The following PTGER3 variants were observed in gnomAD, a reference collection of about 807,000 sequenced individuals.
PTGER3 encodes prostaglandin E receptor 3.
In PTGER3, 22 loss-of-function variants were observed where a neutral mutation model predicts 34.7. The ratio of observed to expected loss-of-function variants is 0.63; its 90% CI spans 0.45 to 0.91. The LOEUF is 0.91. Ranked by LOEUF, PTGER3 falls within the 40% of genes least tolerant of loss-of-function variation. PTGER3 has a pLI of 0.00. For synonymous variants in PTGER3, 241 were observed against 230.1 expected (o/e 1.05, Z -0.43); for missense variants, 468 against 519.4 (o/e 0.90, Z 0.96).
At chr1:70,997,438 G>A (rs770278430) in intron 2 of PTGER3, among the ~76,000 whole-genome samples, 2 of 151,878 alleles carry the variant, frequency 1.3e-5, no homozygotes, top group Non-Finnish European at 2.9e-5. Context: ...TTTACACATA[G>A]CAAAAAATGA....
chr1:71,016,692 A>C (rs1657930522), intron 1 of PTGER3, among the ~76,000 whole-genome samples: 1 of 151,940 alleles, frequency 6.6e-6, no homozygotes, highest in South Asian at 2.1e-4. Flanking sequence ...AATCCTAGCT[A>C]CTTGGGAGGC....
intron 4 of PTGER3, among the ~76,000 whole-genome samples, chr1:70,946,849 A>G (rs180683763): frequency 6.6e-6 from 1 of 152,112 alleles, no homozygotes; most frequent in African/African-American, 2.4e-5. Context: ...GCATGCTCAC[A>G]GGTCTTATGT....
exon 4 of PTGER3, chr1:70,952,866 C>T: frequency 6.5e-7 from 1 of 1,537,750 alleles, no homozygotes; most frequent in East Asian, 2.4e-5. Flanking sequence ...GAGGAGCTTG[C>T]TTTTTTAAAA....
At chr1:70,935,909 A>G (rs1239815277) in intron 4 of PTGER3, among the ~76,000 whole-genome samples, 2 of 152,098 alleles carry the variant, frequency 1.3e-5, no homozygotes, top group Non-Finnish European at 2.9e-5. Context: ...AAAAGGGAAT[A>G]GCAGGAAATT....
intron 4 of PTGER3, among the ~76,000 whole-genome samples, chr1:70,864,083 C>CATGTT (rs774126191): frequency 7.9e-5 from 12 of 152,156 alleles, no homozygotes; most frequent in Admixed American, 2.0e-4. Context: ...TAAAAATCTA[C>CATGTT]ATGTTAAATT....
intron 1 of PTGER3, among the ~76,000 whole-genome samples, chr1:71,021,016 C>T (rs773995376): frequency 3.3e-5 from 5 of 152,012 alleles, no homozygotes; most frequent in Non-Finnish European, 5.9e-5. Context: ...CAGGCACTCA[C>T]ACTATTGCAG....
chr1:70,939,273 A>G (rs1649537411), intron 4 of PTGER3, among the ~76,000 whole-genome samples: 1 of 152,230 alleles, frequency 6.6e-6, no homozygotes, highest in African/African-American at 2.4e-5. Context: ...GGTCTTGGGC[A>G]GCTCCACTTC....
intron 4 of PTGER3, among the ~76,000 whole-genome samples, chr1:70,914,866 C>A (rs1258064707): frequency 1.3e-5 from 2 of 151,848 alleles, no homozygotes; most frequent in East Asian, 3.9e-4. Flanking sequence ...AAAATGGATG[C>A]AATTGAATAA....
At chr1:71,023,109 G>T (rs957310893) in intron 1 of PTGER3, among the ~76,000 whole-genome samples, 1 of 151,752 alleles carries the variant, frequency 6.6e-6, no homozygotes, top group Non-Finnish European at 1.5e-5. Flanking sequence ...CCCAAAAGAG[G>T]TGTCTACCCT....
intron 4 of PTGER3, among the ~76,000 whole-genome samples, chr1:70,863,870 G>A (rs1409357840): frequency 6.6e-6 from 1 of 151,930 alleles, no homozygotes; most frequent in Non-Finnish European, 1.5e-5. Flanking sequence ...AGATAAAATT[G>A]GATAATCACT....
intron 4 of PTGER3, chr1:70,886,246 T>C (rs1246181929): frequency 1.4e-5 from 6 of 438,570 alleles, no homozygotes; most frequent in African/African-American, 2.0e-5. Context: ...ATGAGAAGAC[T>C]GACATGTGCA....
intron 4 of PTGER3, among the ~76,000 whole-genome samples, chr1:70,872,224 G>A (rs1255231385): frequency 2.0e-5 from 3 of 152,110 alleles, no homozygotes; most frequent in Non-Finnish European, 4.4e-5. Context: ...GGAGATGGTC[G>A]GTGTTTTTCT....
intron 1 of PTGER3, among the ~76,000 whole-genome samples, chr1:71,043,761 T>C (rs1660504872): frequency 6.6e-6 from 1 of 152,124 alleles, no homozygotes; most frequent in Non-Finnish European, 1.5e-5. Context: ...CTTTTCTTTG[T>C]AGTAATTCCA....
At chr1:70,982,034 G>C (rs1220512200) in intron 2 of PTGER3, among the ~76,000 whole-genome samples, 1 of 152,040 alleles carries the variant, frequency 6.6e-6, no homozygotes, top group Non-Finnish European at 1.5e-5. Flanking sequence ...GACTATACTG[G>C]ACAGAGGTGG....
chr1:70,990,353 TCACACACACA>T (rs576448927), intron 2 of PTGER3, among the ~76,000 whole-genome samples: 3 of 130,816 alleles, frequency 2.3e-5, no homozygotes, highest in Non-Finnish European at 4.8e-5. Context: ...CGAGACTGTC[TCACACACACA>T]CACACACACA....
chr1:70,877,879 G>A (rs1390952756), intron 4 of PTGER3, among the ~76,000 whole-genome samples: 1 of 152,118 alleles, frequency 6.6e-6, no homozygotes, highest in Admixed American at 6.5e-5. Flanking sequence ...TTTTATCTAT[G>A]TTCATCAAGG....
downstream of PTGER3, among the ~76,000 whole-genome samples, chr1:70,967,016 A>C (rs1183748913): frequency 6.6e-5 from 10 of 152,078 alleles, no homozygotes; most frequent in Non-Finnish European, 2.9e-5. Flanking sequence ...TCCTTGAGGA[A>C]TCTCTATACT....
chr1:70,887,660 A>G (rs1646526817), intron 4 of PTGER3, among the ~76,000 whole-genome samples: 3 of 152,076 alleles, frequency 2.0e-5, no homozygotes, highest in Non-Finnish European at 4.4e-5. Flanking sequence ...TTTTCTCTGT[A>G]TATAAATTTC....
intron 4 of PTGER3, among the ~76,000 whole-genome samples, chr1:70,931,048 G>A (rs951496657): frequency 2.6e-5 from 4 of 152,158 alleles, no homozygotes; most frequent in African/African-American, 7.2e-5. Context: ...AGATACAATG[G>A]GGATATAGGT....
Sources: gnomAD v4.1 joint callset for allele counts (sites outside exome capture counted in the v4.1 genomes callset) on GRCh38, gnomAD v4.1.1 for gene constraint, MANE v1.5 for transcripts, NCBI Gene and HGNC (gene_info 2026-07-23, HGNC 2026-07-21) for gene names.